Variants in MMP20 observed in about 807,000 individuals in gnomAD.
MMP20 encodes matrix metalloproteinase-20.
A neutral mutation model predicts 51.8 loss-of-function variants in MMP20; 50 were observed. The observed-to-expected ratio is 0.97, with a 90% CI of 0.77 to 1.22. The LOEUF (loss-of-function observed/expected upper bound fraction) is 1.22, where lower values mean the gene tolerates loss of function less well. Ranked by LOEUF, MMP20 falls within the 50% of genes most tolerant of loss-of-function variation. The probability of loss-of-function intolerance (pLI) is 0.00; values close to 1 mark genes in which losing one functional copy is unlikely to be tolerated. For missense variants in MMP20, 663 were observed against 601.4 expected, an observed-to-expected ratio of 1.10 and a Z score of -1.07; for synonymous variants, 244 against 216.2, an observed-to-expected ratio of 1.13 and a Z score of -1.13.
chr11:102,611,646 G>A, intron 3 of MMP20, 109 bp downstream of exon 3: 3 of 1,371,780 alleles, frequency 2.2e-6, no homozygotes, highest in Non-Finnish European at 3.1e-6. Context: ...GCCCATCACA[G>A]CACTGTGCGA....
At chr11:102,597,237 A>G (rs1859392048) in intron 6 of MMP20, among the ~76,000 whole-genome samples, 1 of 152,238 alleles carries the variant, frequency 6.6e-6, no homozygotes, top group African/African-American at 2.4e-5. Flanking sequence ...TCACTTAAAA[A>G]TCAACAAGCA....
chr11:102,579,272 A>T, intron 8 of MMP20, 130 bp from the exon 9 acceptor site: 1 of 662,586 alleles, frequency 1.5e-6, no homozygotes, highest in Non-Finnish European at 2.7e-6. Flanking sequence ...TTTCACATAC[A>T]CATACACATG....
At chr11:102,622,470 C>T (rs1784403) in intron 1 of MMP20, among the ~76,000 whole-genome samples, 41,064 of 152,020 alleles carry the variant, frequency 0.27, 5,764 homozygotes, top group Middle Eastern at 0.34. Context: ...TGGACTGCCC[C>T]ATCTCCAGGT....
chr11:102,594,771 C>CA lies in MMP20; in HGVS notation c.954-15dup, dbSNP rs144425539. The CA allele has an allele frequency of 4.9e-3, 6,821 of 1,396,960 alleles. 2 individuals carry two copies. The highest frequency in any genetic ancestry group is 0.012 in the South Asian group (864 of 72,440). The allele number at this position is 1,396,960 out of a possible 1,614,324, so 86.5% of individuals were successfully genotyped here. ...CTCCAGAAAATCCTATGGGACATTC[C>CA]AAAAAAAAAAAAAAAAAAAATCAAG... On this transcript the variant is annotated splice_polypyrimidine_tract_variant and intron_variant, in intron 6 of 9. Coordinates refer to ENST00000260228, the MANE Select transcript of MMP20 (RefSeq NM_004771.4).
At position 102,616,708 on chromosome 11, in the gene MMP20, G is replaced by C; in HGVS notation, c.374+104C>G. On this transcript the variant is annotated intron_variant, in intron 2 of 9. Coordinates refer to ENST00000260228, the MANE Select transcript of MMP20 (RefSeq NM_004771.4). ...GTTCTTATTCTTATGGTTGTGAGGTGTCAGGATTTTTATACGGATGAGAAG... is the reference window on the plus strand; with the variant it reads ...GTTCTTATTCTTATGGTTGTGAGGTCTCAGGATTTTTATACGGATGAGAAG... The C allele has an allele frequency of 5.5e-6, 8 of 1,457,558 alleles. No individual in the cohort carries two copies. The South Asian group carries it at 9.6e-5, about 18-fold the overall frequency. The allele number at this position is 1,457,558 out of a possible 1,614,324, so 90.3% of individuals were successfully genotyped here. A position where few individuals can be genotyped will look rare whatever the true frequency, so the allele number is the denominator to read the frequency against.
chr11:102,610,630 T>G (rs1432807075), intron 3 of MMP20, among the ~76,000 whole-genome samples: 1 of 152,192 alleles, frequency 6.6e-6, no homozygotes, highest in Non-Finnish European at 1.5e-5. Flanking sequence ...GCTTTTTAAG[T>G]TTTTGTTTAA....
chr11:102,598,618 C>G (rs1027849056), intron 6 of MMP20, among the ~76,000 whole-genome samples: 1 of 152,210 alleles, frequency 6.6e-6, no homozygotes, highest in Non-Finnish European at 1.5e-5. Flanking sequence ...ACTAACTCAT[C>G]AAATTTGAGA....
intron 9 of MMP20, among the ~76,000 whole-genome samples, chr11:102,577,774 C>A (rs926354981): frequency 2.0e-5 from 3 of 152,234 alleles, no homozygotes. Flanking sequence ...CAAAACCCAT[C>A]TGAAGTCCTA....
intron 9 of MMP20, among the ~76,000 whole-genome samples, chr11:102,578,698 T>G (rs1201579549): frequency 6.6e-6 from 1 of 152,012 alleles, no homozygotes; most frequent in African/African-American, 2.4e-5. Context: ...ATCGCGCCAC[T>G]GCAGTCCAGC....
intron 1 of MMP20, among the ~76,000 whole-genome samples, chr11:102,617,938 T>A (rs1412405802): frequency 1.3e-5 from 2 of 152,198 alleles, no homozygotes; most frequent in African/African-American, 4.8e-5. Context: ...CCTCCTTTCA[T>A]GTCCATGGGG....
intron 5 of MMP20, chr11:102,607,093 G>C: frequency 5.5e-6 from 1 of 181,500 alleles, no homozygotes; most frequent in Non-Finnish European, 1.2e-5. Flanking sequence ...TGGATTGTTT[G>C]TTTGTAATTA....
At chr11:102,623,491 A>G (rs1859776687) in intron 1 of MMP20, among the ~76,000 whole-genome samples, 1 of 152,210 alleles carries the variant, frequency 6.6e-6, no homozygotes, top group Admixed American at 6.5e-5. Flanking sequence ...CTGAGGTGGA[A>G]CAGTTTCGTC....
intron 1 of MMP20, among the ~76,000 whole-genome samples, chr11:102,617,330 T>A (rs1403339828): frequency 6.6e-6 from 1 of 152,236 alleles, no homozygotes; most frequent in African/African-American, 2.4e-5. Flanking sequence ...ATGCAATGAA[T>A]ATAACAAATA....
rs1441095541 is a variant in MMP20 at position 102,609,933 on chromosome 11, A to T, written c.621T>A (p.Asn207Lys). The T allele has an allele frequency of 1.2e-6, 2 of 1,614,170 alleles. No homozygotes were observed. Among genetic ancestry groups the T allele is most frequent in the Admixed American group, 3.3e-5 (2 of 60,024 alleles). The change falls in exon 4 of 10, where the codon AAT becomes AAA. Residue 207 changes from asparagine to lysine, a missense_variant. Asn to Lys is a moderately conservative substitution (Grantham distance 94). Transcript: ENST00000260228. ...EGLGGDTHFDNAEKWTMGTNG... is the reference protein window; with the variant it reads ...EGLGGDTHFDKAEKWTMGTNG... Reference sequence around the variant, plus strand: ...TCGTTCCCATAGTCCACTTCTCAGCATTGTCGAAATGTGTATCTCCTCCCA... The same window carrying T: ...TCGTTCCCATAGTCCACTTCTCAGCTTTGTCGAAATGTGTATCTCCTCCCA...
rs143113210 is a variant in MMP20, at chr11:102,616,947, C to T, written c.239G>A (p.Gly80Asp). 171 of 1,614,166 alleles carry T rather than the reference C, an allele frequency of 1.1e-4. No homozygotes were observed. The African/African-American group carries it at 1.8e-3, about 17-fold the overall frequency. The change falls in exon 2 of 10, where the codon GGC becomes GAC. Residue 80 changes from glycine to aspartate, a missense_variant. By Grantham distance (94) the Gly-to-Asp change is moderately conservative (BLOSUM62 -1). Transcript: ENST00000260228. ...RKIKELQAFF[G>D]LQVTGKLDQT... The stretch of plus-strand genomic sequence containing the variant: ...GTCTAACTTCCCGGTGACTTGGAGG[C>T]CAAAGAACGCTTGTAGCTCCTTAAT...
chr11:102,602,153 A>G (rs1340534468), intron 6 of MMP20, among the ~76,000 whole-genome samples: 2 of 120,888 alleles, frequency 1.7e-5, no homozygotes, highest in Admixed American at 9.1e-5. Flanking sequence ...TATTTTTAGT[A>G]GAGACGGGGT....
At position 102,609,972 on chromosome 11, in the gene MMP20, A is replaced by G. The variant is rs1313399831; in HGVS notation, c.582T>C (p.Ala194=). The G allele has an allele frequency of 6.2e-7, 1 of 1,614,192 alleles. No individual in the cohort carries two copies. The highest frequency in any genetic ancestry group is 2.2e-5 in the East Asian group (1 of 44,886). ...GPRGTLAHAF[A]PGEGLGGDTH... ...TATCTCCTCCCAGGCCTTCTCCAGG[A>G]GCAAATGCATGGGCTAGAGTCCCCC... is the stretch of plus-strand genomic sequence containing the variant. Residue 194 remains alanine, a synonymous_variant, in exon 4 of 10, where the codon GCT becomes GCC. Transcript: ENST00000260228.
At chr11:102,578,975 T>TA in intron 9 of MMP20, 64 bp downstream of exon 9, 1 of 1,255,372 alleles carries the variant, frequency 8.0e-7, no homozygotes, top group Non-Finnish European at 1.2e-6. Flanking sequence ...TCTGTTGTGT[T>TA]AAAGCAAAGC....
chr11:102,593,639 G>A (rs769905777), intron 7 of MMP20, 44 bp from the exon 8 acceptor site: 12 of 1,604,044 alleles, frequency 7.5e-6, no homozygotes, highest in Non-Finnish European at 1.0e-5. Flanking sequence ...GCACCACTTG[G>A]TGATGCACTT....
Sources: gnomAD v4.1 joint callset for allele counts (sites outside exome capture counted in the v4.1 genomes callset) on GRCh38, gnomAD v4.1.1 for gene constraint, MANE v1.5 for transcripts, NCBI Gene and HGNC (gene_info 2026-07-23, HGNC 2026-07-21) for gene names.